Variants in COL9A1 observed in about 807,000 individuals in gnomAD.
The protein encoded by COL9A1 is collagen alpha-1(IX) chain.
In COL9A1, 104 loss-of-function variants were observed where a neutral mutation model predicts 142.6. The ratio of observed to expected loss-of-function variants is 0.73; its 90% CI spans 0.62 to 0.86. The LOEUF (loss-of-function observed/expected upper bound fraction) is 0.86. Ranked by LOEUF, COL9A1 falls within the 40% of genes least tolerant of loss-of-function variation. The probability of loss-of-function intolerance (pLI) is 0.00; values close to 1 mark genes in which losing one functional copy is unlikely to be tolerated. For synonymous variants in COL9A1, 466 were observed against 396.0 expected (o/e 1.18, Z -2.10); for missense variants, 1,210 against 1,176.6 (o/e 1.03, Z -0.42).
intron 28 of COL9A1, among the ~76,000 whole-genome samples, chr6:70,245,036 A>T (rs1770507172): frequency 1.3e-5 from 2 of 152,236 alleles, no homozygotes. Flanking sequence ...GTGGTTCCTC[A>T]TTTTTATTTC....
At chr6:70,267,599 G>A (rs1583295872) in intron 17 of COL9A1, among the ~76,000 whole-genome samples, 1 of 152,176 alleles carries the variant, frequency 6.6e-6, no homozygotes, top group East Asian at 1.9e-4. Context: ...TGGGATTACA[G>A]GCGTGAGCCA....
intron 10 of COL9A1, 182 bp from the exon 11 acceptor site, chr6:70,274,954 C>G (rs1284375848): frequency 3.3e-6 from 2 of 598,450 alleles, no homozygotes; most frequent in Non-Finnish European, 5.9e-6. Context: ...AGAAGATCTG[C>G]CTGTTGTGAT....
At chr6:70,301,047 C>A (rs16868990) in intron 2 of COL9A1, among the ~76,000 whole-genome samples, 1 of 152,060 alleles carries the variant, frequency 6.6e-6, no homozygotes, top group African/African-American at 2.4e-5. Context: ...ATCCTAACAT[C>A]TTAGAACTGG....
intron 19 of COL9A1, among the ~76,000 whole-genome samples, chr6:70,261,911 T>C (rs1383251911): frequency 6.6e-6 from 1 of 152,194 alleles, no homozygotes; most frequent in Non-Finnish European, 1.5e-5. Flanking sequence ...ACTTTATATT[T>C]GTGCATGTAC....
At chr6:70,254,435 T>C in intron 25 of COL9A1, 41 bp downstream of exon 25, 1 of 1,584,186 alleles carries the variant, frequency 6.3e-7, no homozygotes, top group Non-Finnish European at 8.7e-7. Context: ...CTTTAAAACA[T>C]GTATATAAAC....
At chr6:70,270,274 T>C in intron 15 of COL9A1, 40 bp downstream of exon 15, 3 of 1,595,044 alleles carry the variant, frequency 1.9e-6, no homozygotes, top group Non-Finnish European at 2.6e-6. Flanking sequence ...CAACCCTGAC[T>C]CTCAGACACA....
intron 19 of COL9A1, chr6:70,261,052 C>T: frequency 4.5e-6 from 1 of 222,332 alleles, no homozygotes; most frequent in Non-Finnish European, 9.0e-6. Flanking sequence ...ATTCCCACTT[C>T]CTTCATGGCA....
intron 10 of COL9A1, among the ~76,000 whole-genome samples, chr6:70,275,429 A>G (rs1030012665): frequency 3.0e-5 from 4 of 131,784 alleles, no homozygotes; most frequent in Admixed American, 3.0e-4. Flanking sequence ...GTGATTAAGT[A>G]TATATGTTCA....
In COL9A1 at chr6:70,267,756, C is replaced by T. The variant is rs1772122987; in HGVS notation, c.1288-986G>A. Among the ~76,000 whole-genome samples, 5 of 152,182 alleles carry T rather than the reference C, an allele frequency of 3.3e-5. No homozygotes were observed. The South Asian group carries it at 1.0e-3, about 32-fold the overall frequency. ...CACGTGTGTGCTTTGTAACAGGAGA[C>T]AAAACTGTGAGACAAGCGTTCCAAA... On this transcript the variant is annotated intron_variant, in intron 17 of 37. Coordinates refer to ENST00000357250, the MANE Select transcript of COL9A1 (RefSeq NM_001851.6).
intron 30 of COL9A1, 108 bp from the exon 31 acceptor site, chr6:70,241,562 G>A (rs1200280558): frequency 2.2e-6 from 2 of 908,776 alleles, no homozygotes; most frequent in Non-Finnish European, 3.6e-6. Flanking sequence ...TAATGTGATG[G>A]GAGAGGACGT....
At chr6:70,235,253 G>C (rs916096511) in intron 33 of COL9A1, among the ~76,000 whole-genome samples, 4 of 152,252 alleles carry the variant, frequency 2.6e-5, no homozygotes, top group Middle Eastern at 3.4e-3. Flanking sequence ...AAGAGTTTGA[G>C]ACCAGGCTGG....
intron 21 of COL9A1, among the ~76,000 whole-genome samples, 186 bp from the exon 22 acceptor site, chr6:70,255,576 C>T (rs1388935568): frequency 6.6e-6 from 1 of 152,132 alleles, no homozygotes; most frequent in African/African-American, 2.4e-5. Context: ...ATGGATATTG[C>T]CATAGAGATA....
rs770061874 is a variant in COL9A1, at chr6:70,260,692, C to T, written c.1414G>A (p.Gly472Ser). Residue 472 changes from glycine (G) to serine (S), a missense_variant, in exon 20 of 38, where the codon GGC becomes AGC. Transcript: ENST00000357250. ...QGPPGAQGLR[G>S]ITGIVGDKGE... is the part of the protein sequence containing the mutation. ...TTGTCCCCAACTATGCCGGTGATGC[C>T]TCGCAAACCCTGGGCTCCCTGGAAA... 6 of 1,613,870 alleles carry T rather than the reference C, an allele frequency of 3.7e-6. No individual in the cohort carries two copies. In the South Asian group the frequency reaches 5.5e-5, roughly 15 times the overall value.
At chr6:70,263,484 C>A (rs1158748676) in intron 18 of COL9A1, among the ~76,000 whole-genome samples, 187 bp from the exon 19 acceptor site, 1 of 151,780 alleles carries the variant, frequency 6.6e-6, no homozygotes, top group Non-Finnish European at 1.5e-5. Context: ...TACAGAGAAG[C>A]CTACATATAA....
intron 6 of COL9A1, 60 bp from the exon 7 acceptor site, chr6:70,282,978 T>C (rs1429229391): frequency 6.2e-7 from 1 of 1,613,992 alleles, no homozygotes; most frequent in Non-Finnish European, 8.5e-7. Flanking sequence ...GATCGCAACT[T>C]ACTTGAGCCG....
intron 28 of COL9A1, 145 bp from the exon 29 acceptor site, chr6:70,242,860 T>C: frequency 1.4e-6 from 1 of 737,686 alleles, no homozygotes; most frequent in Non-Finnish European, 2.4e-6. Flanking sequence ...CAGCATCCTG[T>C]GTTCATCTTG....
rs1554235706 is a variant in COL9A1 at position 70,241,997 on chromosome 6, C to T, written c.1965G>A (p.Gly655=). ...LGSPGLPGLP[G]PPGLPGMKGD... ...CTTTCATTCCAGGAAGTCCAGGGGG[C>T]CCAGGCAAGCCAGGGAGGCCAGGGC... Residue 655 remains glycine (G), a synonymous_variant, in exon 30 of 38, where the codon GGG becomes GGA. Transcript: ENST00000357250. 1.9e-6 allele frequency: 3 copies of T among 1,599,584 alleles called. No individual in the cohort carries two copies. Among genetic ancestry groups the T allele is most frequent in the Non-Finnish European group, 2.6e-6 (3 of 1,172,094 alleles).
intron 36 of COL9A1, among the ~76,000 whole-genome samples, chr6:70,226,351 G>A (rs1769228614): frequency 6.6e-6 from 1 of 152,082 alleles, no homozygotes; most frequent in South Asian, 2.1e-4. Context: ...TGCTTAATGG[G>A]AAACACAAGA....
Position 70,260,681 on chromosome 6 carries a change from G to A in COL9A1, c.1425C>T (p.Gly475=). 5 of 1,613,614 alleles carry A rather than the reference G, an allele frequency of 3.1e-6. No individual in the cohort carries two copies. Among genetic ancestry groups the A allele is most frequent in the South Asian group, 1.1e-5 (1 of 91,066 alleles). ...CTTTTTCCCCTTTGTCCCCAACTAT[G>A]CCGGTGATGCCTCGCAAACCCTGGG... The part of the protein sequence containing the change: ...PGAQGLRGIT[G]IVGDKGEKGA... The change falls in exon 20 of 38, where the codon GGC becomes GGT. Residue 475 remains glycine, a synonymous_variant. Transcript: ENST00000357250.
Sources: allele counts gnomAD v4.1 joint callset (sites outside exome capture counted in the v4.1 genomes callset), GRCh38; gene constraint gnomAD v4.1.1; transcripts MANE v1.5; gene names NCBI Gene and HGNC (gene_info 2026-07-23, HGNC 2026-07-21).